ZNF385D: variants seen among roughly 807,000 people sequenced by gnomAD.
The protein encoded by ZNF385D is zinc finger protein 659.
Under a neutral mutation model 35.8 loss-of-function variants are expected in ZNF385D, and 15 were observed. The observed-to-expected ratio is 0.42, with a 90% CI of 0.28 to 0.64. The LOEUF (loss-of-function observed/expected upper bound fraction) is 0.64, where lower values mean the gene tolerates loss of function less well. Ranked by LOEUF, ZNF385D falls within the 30% of genes least tolerant of loss-of-function variation. ZNF385D has a pLI of 0.23. For synonymous variants in ZNF385D, 212 were observed against 186.8 expected (o/e 1.13, Z -1.10); for missense variants, 474 against 494.6 (o/e 0.96, Z 0.39).
At chr3:21,771,427 A>T (rs997965270) in intron 3 of ZNF385D, among the ~76,000 whole-genome samples, 2 of 151,948 alleles carry the variant, frequency 1.3e-5, no homozygotes, top group African/African-American at 2.4e-5. Context: ...TCCAGTTTTT[A>T]GCAAGAAAAT....
intron 3 of ZNF385D, among the ~76,000 whole-genome samples, chr3:21,995,958 G>A (rs1246124184): frequency 6.6e-6 from 1 of 152,034 alleles, no homozygotes; most frequent in East Asian, 1.9e-4. Context: ...GAGTGCTGGG[G>A]ACCTGGCTGC....
chr3:22,003,492 C>G (rs1220792163), intron 3 of ZNF385D, among the ~76,000 whole-genome samples: 1 of 152,186 alleles, frequency 6.6e-6, no homozygotes, highest in Admixed American at 6.5e-5. Context: ...TTAAGAAAGA[C>G]CATAGTACCA....
chr3:22,077,678 T>G (rs1441931142), intron 3 of ZNF385D, among the ~76,000 whole-genome samples: 3 of 152,034 alleles, frequency 2.0e-5, no homozygotes, highest in African/African-American at 7.2e-5. Flanking sequence ...TGTAATGATT[T>G]CCCTCATACA....
intron 3 of ZNF385D, among the ~76,000 whole-genome samples, chr3:22,093,856 TAC>T (rs1490164572): frequency 1.3e-5 from 2 of 152,120 alleles, no homozygotes; most frequent in Non-Finnish European, 2.9e-5. Flanking sequence ...TGCAGAAAAG[TAC>T]ACATACAGTA....
chr3:22,109,780 G>T (rs1702413972), intron 3 of ZNF385D, among the ~76,000 whole-genome samples: 1 of 152,068 alleles, frequency 6.6e-6, no homozygotes, highest in Non-Finnish European at 1.5e-5. Context: ...TGACAAATGG[G>T]ATCTAATTAA....
intron 3 of ZNF385D, among the ~76,000 whole-genome samples, chr3:21,528,220 G>C (rs755890521): frequency 5.3e-5 from 8 of 152,098 alleles, no homozygotes; most frequent in Non-Finnish European, 7.4e-5. Flanking sequence ...TTTTCTGACA[G>C]AGTATAATTC....
chr3:21,834,569 C>G (rs1695205071), intron 3 of ZNF385D, among the ~76,000 whole-genome samples: 1 of 152,284 alleles, frequency 6.6e-6, no homozygotes, highest in South Asian at 2.1e-4. Flanking sequence ...AACACTGAGC[C>G]TTACCCTACC....
chr3:22,198,934 T>C (rs957733178), intron 2 of ZNF385D, among the ~76,000 whole-genome samples: 13 of 152,128 alleles, frequency 8.5e-5, no homozygotes, highest in African/African-American at 1.9e-4. Context: ...CTGAATGGAA[T>C]TGCTGTACAT....
intron 3 of ZNF385D, among the ~76,000 whole-genome samples, chr3:22,128,095 G>C (rs921486512): frequency 6.6e-6 from 1 of 152,204 alleles, no homozygotes; most frequent in African/African-American, 2.4e-5. Context: ...CTCAGCTTTT[G>C]TTTGTCTGGG....
At chr3:21,914,157 G>A (rs894753790) in intron 3 of ZNF385D, among the ~76,000 whole-genome samples, 3 of 151,978 alleles carry the variant, frequency 2.0e-5, no homozygotes, top group Non-Finnish European at 2.9e-5. Context: ...AAATGAAGAT[G>A]GCTCCAGAAT....
intron 3 of ZNF385D, among the ~76,000 whole-genome samples, chr3:21,761,775 T>A (rs2070621125): frequency 6.6e-6 from 1 of 152,070 alleles, no homozygotes; most frequent in Non-Finnish European, 1.5e-5. Flanking sequence ...TTTTTCTAGC[T>A]TTTTTCAGGT....
At chr3:22,060,087 C>G (rs919407847) in intron 3 of ZNF385D, among the ~76,000 whole-genome samples, 2 of 152,128 alleles carry the variant, frequency 1.3e-5, no homozygotes, top group Admixed American at 6.6e-5. Context: ...CCTTCCTTGC[C>G]CAGTTCTCAG....
At chr3:22,028,597 C>A (rs907696020) in intron 3 of ZNF385D, among the ~76,000 whole-genome samples, 1 of 152,216 alleles carries the variant, frequency 6.6e-6, no homozygotes, top group Non-Finnish European at 1.5e-5. Context: ...TGGACATTTA[C>A]TCTGGATATG....
In ZNF385D at chr3:21,413,102, C is replaced by T. The variant is rs753287659; in HGVS notation, c.*8112G>A. 3 of 151,674 alleles carry T rather than the reference C, an allele frequency of 2.0e-5. No homozygotes were observed. Among genetic ancestry groups the T allele is most frequent in the Non-Finnish European group, 2.9e-5 (2 of 67,884 alleles). The allele number at this position is 151,674 out of a possible 1,614,324, so 9.4% of individuals were successfully genotyped here. ...TAGTTCTTTGGGTTTTTAATGAAAA[C>T]AAATATAACAATAACATATAGAATC... On this transcript the variant is annotated 3_prime_UTR_variant, in exon 8 of 8. Transcript: ENST00000281523.
chr3:21,449,150 A>G (rs1288704831), intron 4 of ZNF385D, among the ~76,000 whole-genome samples: 2 of 152,190 alleles, frequency 1.3e-5, no homozygotes, highest in East Asian at 3.9e-4. Flanking sequence ...TACTTTAAAT[A>G]TATTTTACGG....
chr3:21,530,460 G>A (rs1381794380), intron 3 of ZNF385D, among the ~76,000 whole-genome samples: 1 of 152,100 alleles, frequency 6.6e-6, no homozygotes, highest in Non-Finnish European at 1.5e-5. Flanking sequence ...TTTGTAGAAG[G>A]AATAACTTTT....
At chr3:22,097,406 T>A (rs1370238341) in intron 3 of ZNF385D, among the ~76,000 whole-genome samples, 1 of 151,826 alleles carries the variant, frequency 6.6e-6, no homozygotes, top group Non-Finnish European at 1.5e-5. Context: ...GATTCTTAGA[T>A]GGAGAAAGAG....
intron 2 of ZNF385D, among the ~76,000 whole-genome samples, chr3:21,600,631 G>C (rs1339402388): frequency 6.6e-6 from 1 of 152,018 alleles, no homozygotes; most frequent in Non-Finnish European, 1.5e-5. Flanking sequence ...GATATCATAA[G>C]ATATTTGAAG....
chr3:21,885,991 T>G (rs1331441860), intron 3 of ZNF385D, among the ~76,000 whole-genome samples: 1 of 152,132 alleles, frequency 6.6e-6, no homozygotes, highest in East Asian at 1.9e-4. Context: ...TCCACTGATT[T>G]AAGTGTTAAT....
Sources: gnomAD v4.1 joint callset for allele counts (sites outside exome capture counted in the v4.1 genomes callset) on GRCh38, gnomAD v4.1.1 for gene constraint, MANE v1.5 for transcripts, NCBI Gene and HGNC (gene_info 2026-07-23, HGNC 2026-07-21) for gene names.